EIF5B: variants seen among roughly 807,000 people sequenced by gnomAD.
EIF5B encodes eukaryotic translation initiation factor 5B.
Under a neutral mutation model 147.5 loss-of-function variants are expected in EIF5B, and 47 were observed. That is an observed-to-expected ratio of 0.32 (90% CI 0.25 to 0.41). The LOEUF is 0.41. EIF5B is among the 10% of genes least tolerant of loss of function. The pLI, the probability that EIF5B is intolerant of heterozygous loss-of-function variation, is 1.00. For synonymous variants in EIF5B, 455 were observed against 456.2 expected (o/e 1.00, Z 0.03); for missense variants, 1,064 against 1,413.2 (o/e 0.75, Z 3.96).
intron 18 of EIF5B, among the ~76,000 whole-genome samples, chr2:99,393,858 T>C (rs975870087): frequency 4.6e-5 from 7 of 152,236 alleles, no homozygotes; most frequent in Admixed American, 6.5e-5. Flanking sequence ...AGGAAGGAGC[T>C]GCTGAGATCA....
intron 1 of EIF5B, among the ~76,000 whole-genome samples, chr2:99,349,926 CCT>C (rs1275119930): frequency 1.3e-5 from 2 of 152,184 alleles, no homozygotes; most frequent in Non-Finnish European, 2.9e-5. Flanking sequence ...ACTTGACCAA[CCT>C]CTCCTCATTC....
At chr2:99,375,022 C>T (rs1262355699) in intron 9 of EIF5B, among the ~76,000 whole-genome samples, 1 of 151,954 alleles carries the variant, frequency 6.6e-6, no homozygotes, top group Non-Finnish European at 1.5e-5. Flanking sequence ...TTCTCAATTT[C>T]ATTTGTTATA....
Position 99,382,821 on chromosome 2 carries a change from T to C in EIF5B, c.2171T>C (p.Ile724Thr). 1 of 1,611,834 alleles carries C rather than the reference T, an allele frequency of 6.2e-7. No individual in the cohort carries two copies. Among genetic ancestry groups the C allele is most frequent in the Non-Finnish European group, 8.5e-7 (1 of 1,179,288 alleles). The change falls in exon 14 of 24, where the codon ATT becomes ACT. Residue 724 changes from isoleucine to threonine, a missense_variant. By Grantham distance (89) the Ile-to-Thr change is moderately conservative. Transcript: ENST00000289371. The stretch of plus-strand genomic sequence containing the variant: ...GGAAGCTCTCTTTGTGACATTGCCA[T>C]TTTAGTTGTTGATATTATGCATGGT... ...NRGSSLCDIA[I>T]LVVDIMHGLE...
At chr2:99,391,729 CTTTTTT>C (rs759464054) in intron 17 of EIF5B, among the ~76,000 whole-genome samples, 1 of 129,834 alleles carries the variant, frequency 7.7e-6, no homozygotes. Context: ...ATAGCTGGCT[CTTTTTT>C]TTTTTTTTTT....
At chr2:99,354,973 T>G (rs1674064946) in intron 1 of EIF5B, among the ~76,000 whole-genome samples, 1 of 152,024 alleles carries the variant, frequency 6.6e-6, no homozygotes, top group Non-Finnish European at 1.5e-5. Flanking sequence ...CAGCTACTTT[T>G]TGTATTTTTT....
At chr2:99,379,671 C>T (rs1053195263) in intron 12 of EIF5B, among the ~76,000 whole-genome samples, 3 of 152,124 alleles carry the variant, frequency 2.0e-5, no homozygotes, top group Admixed American at 1.3e-4. Flanking sequence ...GCCACTATTC[C>T]ACAGTTAGTC....
rs541736341 is a variant in EIF5B, at chr2:99,362,572, G to A, written c.919+752G>A. ...TAATTAGCCGGGCATGGTGGCGGGC[G>A]CCTGTAGTCCCAGCTACTCGGGAGG... is the stretch of plus-strand genomic sequence containing the variant. On this transcript the variant is annotated intron_variant, in intron 4 of 23. Coordinates refer to ENST00000289371, the MANE Select transcript of EIF5B (RefSeq NM_015904.4). 5.3e-5 allele frequency among the ~76,000 whole-genome samples: 8 copies of A among 151,828 alleles called. No homozygotes were observed. The South Asian group carries it at 1.5e-3, about 28-fold the overall frequency.
At chr2:99,356,155 TTTAG>T (rs1674093002) in intron 1 of EIF5B, among the ~76,000 whole-genome samples, 1 of 152,180 alleles carries the variant, frequency 6.6e-6, no homozygotes, top group African/African-American at 2.4e-5. Flanking sequence ...CCACATTACA[TTTAG>T]TCAGCATTTA....
chr2:99,374,864 A>G (rs1236805646), intron 9 of EIF5B, among the ~76,000 whole-genome samples: 3 of 151,166 alleles, frequency 2.0e-5, no homozygotes. Flanking sequence ...AGGCCCTCTT[A>G]TTGTATCATT....
chr2:99,361,583 G>C lies in EIF5B; in HGVS notation c.682G>C (p.Val228Leu), dbSNP rs1279524609. Residue 228 changes from valine (V) to leucine (L), a missense_variant, in exon 4 of 24, where the codon GTG becomes CTG. Physicochemically the swap from Val to Leu is conservative, Grantham distance 32. This residue lies in a region of EIF5B where 458 missense variants were observed against 451.3 expected (regional missense o/e 1.01). Coordinates refer to ENST00000289371, the MANE Select transcript of EIF5B (RefSeq NM_015904.4). ...DDDASFKIKT[V>L]AQKKAEKKER... is the part of the protein sequence containing the mutation. The stretch of plus-strand genomic sequence containing the variant: ...TGACGCCTCCTTCAAAATTAAGACA[G>C]TGGCCCAAAAGAAGGCAGAAAAGAA... 1.9e-6 allele frequency: 3 copies of C among 1,609,248 alleles called. No homozygotes were observed. The highest frequency in any genetic ancestry group is 2.5e-6 in the Non-Finnish European group (3 of 1,179,036).
chr2:99,397,771 C>T (rs1675088074), intron 22 of EIF5B: 1 of 152,148 alleles, frequency 6.6e-6, no homozygotes, highest in Non-Finnish European at 1.5e-5. Context: ...TATCCTGTTT[C>T]TCAACAGCCT....
chr2:99,338,388 C>G (rs1049450263), intron 1 of EIF5B: 10 of 1,262,660 alleles, frequency 7.9e-6, no homozygotes, highest in Non-Finnish European at 1.0e-5. Flanking sequence ...AAAGAGTTGA[C>G]TTCCTGGGAG....
At chr2:99,393,578 C>A (rs1319558589) in intron 18 of EIF5B, among the ~76,000 whole-genome samples, 1 of 152,036 alleles carries the variant, frequency 6.6e-6, no homozygotes, top group Non-Finnish European at 1.5e-5. Flanking sequence ...GGACTTTGAG[C>A]CATAGTTTGT....
chr2:99,358,766 G>A lies in EIF5B; in HGVS notation c.36-1470G>A, dbSNP rs1213230122. Reference sequence around the variant, plus strand: ...TGTGTACCCCTTTTACTAAGAATAAGGTGCCTCTGACTTTCCCATTCTGGA... The same window carrying A: ...TGTGTACCCCTTTTACTAAGAATAAAGTGCCTCTGACTTTCCCATTCTGGA... On this transcript the variant is annotated intron_variant, in intron 1 of 23. Coordinates refer to ENST00000289371, the MANE Select transcript of EIF5B (RefSeq NM_015904.4). Among the ~76,000 whole-genome samples the A allele has an allele frequency of 3.3e-5, 5 of 152,074 alleles. No individual in the cohort carries two copies. In the East Asian group the frequency reaches 9.6e-4, roughly 29 times the overall value.
intron 6 of EIF5B, among the ~76,000 whole-genome samples, chr2:99,365,399 A>G (rs1882598): frequency 0.83 from 126,603 of 152,122 alleles, 53,254 homozygotes; most frequent in Middle Eastern, 0.98. Context: ...TCAGCTAGGA[A>G]CATTAGATGT....
intron 1 of EIF5B, among the ~76,000 whole-genome samples, chr2:99,358,929 C>T (rs570584691): frequency 3.3e-5 from 5 of 152,326 alleles, no homozygotes; most frequent in East Asian, 3.9e-4. Flanking sequence ...AGGCATTTAA[C>T]ATTTTGCAAT....
intron 7 of EIF5B, 57 bp from the exon 8 acceptor site, chr2:99,369,335 C>G: frequency 7.2e-7 from 1 of 1,397,918 alleles, no homozygotes; most frequent in Non-Finnish European, 9.9e-7. Context: ...AATGGAGTAT[C>G]TTAACAGAAA....
intron 6 of EIF5B, 87 bp from the exon 7 acceptor site, chr2:99,368,405 TG>T: frequency 1.1e-6 from 1 of 926,378 alleles, no homozygotes; most frequent in Non-Finnish European, 1.7e-6. Context: ...TGTGTCTCTG[TG>T]GTGAATGAAA....
At chr2:99,391,533 T>C (rs545454740) in intron 17 of EIF5B, among the ~76,000 whole-genome samples, 14 of 152,216 alleles carry the variant, frequency 9.2e-5, no homozygotes, top group Non-Finnish European at 1.9e-4. Flanking sequence ...TCCTGTGTGC[T>C]TCTTCCTGAT....
Sources: allele counts gnomAD v4.1 joint callset (sites outside exome capture counted in the v4.1 genomes callset), GRCh38; gene constraint gnomAD v4.1.1; regional missense constraint gnomAD v4.1.1; transcripts MANE v1.5; gene names NCBI Gene and HGNC (gene_info 2026-07-23, HGNC 2026-07-21).